Variants in KLHL8 observed in about 807,000 individuals in gnomAD.
The protein encoded by KLHL8 is kelch-like protein 8.
Under a neutral mutation model 63.5 loss-of-function variants are expected in KLHL8, and 38 were observed. That is an observed-to-expected ratio of 0.60 (90% CI 0.46 to 0.78). The LOEUF (loss-of-function observed/expected upper bound fraction) is 0.78, where lower values mean the gene tolerates loss of function less well. Among genes scored for constraint, KLHL8 ranks in the 30% least tolerant of loss-of-function variants. The probability of loss-of-function intolerance (pLI) is 0.00; values close to 1 mark genes in which losing one functional copy is unlikely to be tolerated. For missense variants in KLHL8, 566 were observed against 752.4 expected (o/e 0.75, Z 2.90); for synonymous variants, 224 against 254.3 (o/e 0.88, Z 1.13).
At chr4:87,177,107 GC>G (rs137914569) in intron 5 of KLHL8, among the ~76,000 whole-genome samples, 1,730 of 151,786 alleles carry the variant, frequency 0.011, 39 homozygotes, top group African/African-American at 0.04. Context: ...TAATATTATC[GC>G]CCCCCCTTAG....
chr4:87,210,311 AC>A (rs954333749), intron 1 of KLHL8, among the ~76,000 whole-genome samples: 6 of 152,078 alleles, frequency 3.9e-5, no homozygotes, highest in African/African-American at 1.4e-4. Flanking sequence ...AACCGTCTCT[AC>A]TAAAAAAAAC....
chr4:87,193,944 G>C (rs1314418129), intron 2 of KLHL8, among the ~76,000 whole-genome samples: 1 of 152,200 alleles, frequency 6.6e-6, no homozygotes, highest in Non-Finnish European at 1.5e-5. Context: ...ATGAAGTAAA[G>C]GTGATCTTCC....
chr4:87,175,236 G>A (rs1252149169), intron 6 of KLHL8, among the ~76,000 whole-genome samples: 1 of 152,174 alleles, frequency 6.6e-6, no homozygotes. Context: ...CCCAACTGGT[G>A]TTATATACCC....
intron 4 of KLHL8, among the ~76,000 whole-genome samples, chr4:87,179,026 C>T (rs1730945487): frequency 6.6e-6 from 1 of 152,168 alleles, no homozygotes; most frequent in African/African-American, 2.4e-5. Context: ...TCATCTATTT[C>T]CTTCTATGTT....
intron 1 of KLHL8, among the ~76,000 whole-genome samples, chr4:87,211,162 G>A (rs1179129345): frequency 2.6e-5 from 4 of 152,252 alleles, no homozygotes; most frequent in African/African-American, 9.6e-5. Context: ...ATGAACACTA[G>A]AGATTATTTT....
chr4:87,168,660 GTA>G (rs1025173851), intron 8 of KLHL8, among the ~76,000 whole-genome samples: 51 of 146,270 alleles, frequency 3.5e-4, no homozygotes, highest in African/African-American at 1.2e-3. Flanking sequence ...ATATATATAT[GTA>G]TATATATGTG....
At chr4:87,240,397 G>C (rs1276154823), upstream of KLHL8, 1 of 152,118 alleles carries the variant, frequency 6.6e-6, no homozygotes, top group African/African-American at 2.4e-5. Flanking sequence ...TCCATTTGTT[G>C]CTCTTTATAG....
chr4:87,240,037 T>A (rs1382989454), intron 1 of KLHL8, among the ~76,000 whole-genome samples: 1 of 152,174 alleles, frequency 6.6e-6, no homozygotes, highest in Non-Finnish European at 1.5e-5. Context: ...ATATTCCACA[T>A]AAATGAATCA....
chr4:87,167,087 G>A (rs1330090597), intron 8 of KLHL8: 1 of 389,996 alleles, frequency 2.6e-6, no homozygotes, highest in East Asian at 6.0e-5. Context: ...CATGGGCTTT[G>A]GTGAGAGTTG....
At chr4:87,179,306 A>T (rs896757614) in intron 4 of KLHL8, among the ~76,000 whole-genome samples, 2 of 152,154 alleles carry the variant, frequency 1.3e-5, no homozygotes, top group Non-Finnish European at 2.9e-5. Flanking sequence ...TCATGCCCTC[A>T]TCACCTACTA....
Position 87,161,696 on chromosome 4 carries a change from T to G in KLHL8, c.*1823A>C, listed in dbSNP as rs2149821879. The G allele has an allele frequency of 6.6e-6, 1 of 152,300 alleles. No homozygotes were observed. The highest frequency in any genetic ancestry group is 6.5e-5 in the Admixed American group (1 of 15,304). The allele number at this position is 152,300 out of a possible 1,614,324, so 9.4% of individuals were successfully genotyped here. On this transcript the variant is annotated 3_prime_UTR_variant, in exon 10 of 10. Coordinates refer to ENST00000273963, the MANE Select transcript of KLHL8 (RefSeq NM_020803.5). ...TAAGAAATAGACATTGAAGCCAGGTTTTGACACTTATTCTCCACATCCAGC... is the reference window on the plus strand; with the variant it reads ...TAAGAAATAGACATTGAAGCCAGGTGTTGACACTTATTCTCCACATCCAGC...
chr4:87,194,905 C>T (rs1223444416), intron 2 of KLHL8, among the ~76,000 whole-genome samples: 1 of 152,130 alleles, frequency 6.6e-6, no homozygotes, highest in African/African-American at 2.4e-5. Context: ...TACAGTAAAA[C>T]ACTAGTATAG....
intron 1 of KLHL8, 83 bp from the exon 2 acceptor site, chr4:87,195,773 G>T: frequency 2.7e-6 from 1 of 373,080 alleles, no homozygotes; most frequent in South Asian, 7.0e-5. Context: ...TACTATATAT[G>T]CAAAATAACT....
chr4:87,173,499 G>A (rs958609114), intron 6 of KLHL8, among the ~76,000 whole-genome samples: 1 of 151,848 alleles, frequency 6.6e-6, no homozygotes, highest in African/African-American at 2.4e-5. Context: ...AACAAACATC[G>A]GTGTCCATTT....
At chr4:87,231,670 C>T (rs374541869) in intron 1 of KLHL8, among the ~76,000 whole-genome samples, 13 of 152,026 alleles carry the variant, frequency 8.6e-5, no homozygotes, top group Non-Finnish European at 1.6e-4. Context: ...AATCTCAGCT[C>T]ACTGCAACCT....
chr4:87,187,992 G>T (rs867692121), intron 2 of KLHL8, among the ~76,000 whole-genome samples: 25 of 152,112 alleles, frequency 1.6e-4, no homozygotes, highest in South Asian at 4.1e-4. Flanking sequence ...CCCTTCCTCA[G>T]TCTTTTTTCA....
chr4:87,200,161 GAAAA>G (rs1204286144), intron 1 of KLHL8, among the ~76,000 whole-genome samples: 7 of 103,404 alleles, frequency 6.8e-5, no homozygotes, highest in African/African-American at 2.6e-4. Context: ...AAAAAAAAAA[GAAAA>G]AAAAAAAGGT....
intron 1 of KLHL8, among the ~76,000 whole-genome samples, chr4:87,203,742 T>C (rs760330680): frequency 6.6e-6 from 1 of 151,388 alleles, no homozygotes; most frequent in African/African-American, 2.4e-5. Flanking sequence ...AAAAACTTCA[T>C]GACTCGGGGT....
At chr4:87,237,710 C>T (rs1733256465) in intron 1 of KLHL8, among the ~76,000 whole-genome samples, 1 of 152,066 alleles carries the variant, frequency 6.6e-6, no homozygotes, top group Admixed American at 6.5e-5. Context: ...ACCTGTGGTC[C>T]CAGCTACTCA....
Sources: allele counts gnomAD v4.1 joint callset (sites outside exome capture counted in the v4.1 genomes callset), GRCh38; gene constraint gnomAD v4.1.1; transcripts MANE v1.5; gene names NCBI Gene and HGNC (gene_info 2026-07-23, HGNC 2026-07-21).